COLEC12: variants seen among roughly 807,000 people sequenced by gnomAD.
The protein encoded by COLEC12 is collectin subfamily member 12.
A neutral mutation model predicts 71.1 loss-of-function variants in COLEC12; 33 were observed. The observed-to-expected ratio is 0.46, with a 90% CI of 0.35 to 0.62. The LOEUF (loss-of-function observed/expected upper bound fraction) is 0.62, where lower values mean the gene tolerates loss of function less well. Ranked by LOEUF, COLEC12 falls within the 20% of genes least tolerant of loss-of-function variation. The probability of loss-of-function intolerance (pLI) is 0.00; values close to 1 mark genes in which losing one functional copy is unlikely to be tolerated. For synonymous variants in COLEC12, 350 were observed against 353.0 expected (o/e 0.99, Z 0.10); for missense variants, 765 against 916.1 (o/e 0.84, Z 2.13).
At chr18:476,016 G>A (rs1293661619) in intron 2 of COLEC12, among the ~76,000 whole-genome samples, 1 of 152,190 alleles carries the variant, frequency 6.6e-6, no homozygotes, top group Non-Finnish European at 1.5e-5. Context: ...GAAAGAAAGG[G>A]GAAAGTTAAA....
chr18:344,814 A>T (rs1387510302), intron 5 of COLEC12, among the ~76,000 whole-genome samples: 3 of 152,248 alleles, frequency 2.0e-5, no homozygotes, highest in African/African-American at 7.2e-5. Context: ...TCTTGATACT[A>T]TCCTGGCCTC....
chr18:488,237 C>T (rs919148743), intron 1 of COLEC12, among the ~76,000 whole-genome samples: 1 of 151,786 alleles, frequency 6.6e-6, no homozygotes, highest in African/African-American at 2.4e-5. Context: ...ATGGTGAAAC[C>T]TCGTCTCTAC....
chr18:406,515 C>A (rs1269239750), intron 2 of COLEC12, among the ~76,000 whole-genome samples: 76 of 90,434 alleles, frequency 8.4e-4, no homozygotes, highest in South Asian at 2.0e-3. Context: ...GACTCCGTCT[C>A]AAAAAAAAAA....
chr18:430,032 T>C (rs1181317056), intron 2 of COLEC12, among the ~76,000 whole-genome samples: 2 of 152,172 alleles, frequency 1.3e-5, no homozygotes, highest in African/African-American at 4.8e-5. Context: ...TGGAATTTGC[T>C]CAATAAATAT....
intron 2 of COLEC12, among the ~76,000 whole-genome samples, chr18:403,096 C>T (rs35528745): frequency 0.069 from 10,564 of 152,182 alleles, 449 homozygotes; most frequent in South Asian, 0.11. Flanking sequence ...AAGTGCAAAC[C>T]GGCTCAAGTG....
At chr18:345,918 G>T (rs1466185632) in intron 5 of COLEC12, among the ~76,000 whole-genome samples, 2 of 152,226 alleles carry the variant, frequency 1.3e-5, no homozygotes, top group South Asian at 2.1e-4. Context: ...GTATGTCATG[G>T]TATCTTCCTT....
At chr18:348,033 G>T in intron 4 of COLEC12, 32 bp downstream of exon 4, 1 of 1,378,084 alleles carries the variant, frequency 7.3e-7, no homozygotes, top group Non-Finnish European at 1.0e-6. Context: ...TAGAGTCAGG[G>T]GATTTCATGG....
At chr18:466,232 C>T (rs1220379790) in intron 2 of COLEC12, among the ~76,000 whole-genome samples, 1 of 152,106 alleles carries the variant, frequency 6.6e-6, no homozygotes, top group Non-Finnish European at 1.5e-5. Context: ...AGATTGAGAC[C>T]TTGTCTCAAA....
intron 2 of COLEC12, among the ~76,000 whole-genome samples, chr18:395,956 T>C (rs1598350348): frequency 6.6e-6 from 1 of 152,236 alleles, no homozygotes; most frequent in Non-Finnish European, 1.5e-5. Context: ...CAGCCATTAC[T>C]GTGCAATTTA....
intron 3 of COLEC12, among the ~76,000 whole-genome samples, chr18:349,989 A>G (rs625990): frequency 0.92 from 139,394 of 152,224 alleles, 63,893 homozygotes; most frequent in East Asian, 0.99. Flanking sequence ...TTTGGACTGC[A>G]GACTTTAGGG....
intron 2 of COLEC12, among the ~76,000 whole-genome samples, chr18:402,272 C>A (rs1236743293): frequency 6.6e-6 from 1 of 152,074 alleles, no homozygotes; most frequent in African/African-American, 2.4e-5. Context: ...GGCCTACAAC[C>A]AGTCTGACTG....
At chr18:359,141 A>G (rs657847) in intron 2 of COLEC12, among the ~76,000 whole-genome samples, 103,553 of 152,128 alleles carry the variant, frequency 0.68, 36,293 homozygotes, top group African/African-American at 0.82. Context: ...TTTCAGTGGC[A>G]TGCTGAAGTT....
At chr18:347,987 T>C (rs1321093298) in intron 4 of COLEC12, 78 bp downstream of exon 4, 10 of 942,650 alleles carry the variant, frequency 1.1e-5, no homozygotes, top group Admixed American at 3.9e-5. Flanking sequence ...GGGGAGTTTA[T>C]AGCAACATCA....
At position 376,437 on chromosome 18, in the gene COLEC12, A is replaced by G. The variant is rs189910636; in HGVS notation, c.59-18915T>C. On this transcript the variant is annotated intron_variant, in intron 2 of 9. Coordinates refer to ENST00000400256, the MANE Select transcript of COLEC12 (RefSeq NM_130386.3). ...AAGAGGTAGAGCAGAGGAGTTTATT[A>G]TAACAGCTGCTTTCATACCTCAAAC... Among the ~76,000 whole-genome samples the G allele has an allele frequency of 1.6e-3, 250 of 152,358 alleles. 1 individual carries two copies. Among genetic ancestry groups the G allele is most frequent in the Non-Finnish European group, 3.0e-3 (202 of 68,036 alleles).
At chr18:386,095 T>C (rs2143575585) in intron 2 of COLEC12, among the ~76,000 whole-genome samples, 1 of 145,188 alleles carries the variant, frequency 6.9e-6, no homozygotes, top group East Asian at 1.9e-4. Flanking sequence ...AGGGTACCTT[T>C]TGTGGGTGGG....
At chr18:392,285 C>T (rs186190278) in intron 2 of COLEC12, among the ~76,000 whole-genome samples, 3 of 152,272 alleles carry the variant, frequency 2.0e-5, no homozygotes, top group Non-Finnish European at 2.9e-5. Flanking sequence ...CTGGATAACT[C>T]GCCTGAACCT....
chr18:449,154 C>A (rs909341351), intron 2 of COLEC12, among the ~76,000 whole-genome samples: 7 of 151,866 alleles, frequency 4.6e-5, no homozygotes, highest in Non-Finnish European at 7.4e-5. Flanking sequence ...AGAATACATA[C>A]CTTTTTAAAA....
intron 3 of COLEC12, among the ~76,000 whole-genome samples, chr18:355,589 G>A (rs1914613961): frequency 6.6e-6 from 1 of 152,110 alleles, no homozygotes; most frequent in African/African-American, 2.4e-5. Flanking sequence ...TCCTAGCACA[G>A]GTAAAAATTA....
chr18:358,883 A>C (rs1598337658), intron 2 of COLEC12, among the ~76,000 whole-genome samples: 1 of 152,208 alleles, frequency 6.6e-6, no homozygotes, highest in East Asian at 1.9e-4. Flanking sequence ...AGGTACAATA[A>C]AAATACAGTT....
Sources: gnomAD v4.1 joint callset for allele counts (sites outside exome capture counted in the v4.1 genomes callset) on GRCh38, gnomAD v4.1.1 for gene constraint, MANE v1.5 for transcripts, NCBI Gene and HGNC (gene_info 2026-07-23, HGNC 2026-07-21) for gene names.